CACNA1C: variants seen among roughly 807,000 people sequenced by gnomAD.
CACNA1C encodes calcium voltage-gated channel subunit alpha1 C.
Under a neutral mutation model 229.0 loss-of-function variants are expected in CACNA1C, and 30 were observed. The observed-to-expected ratio is 0.13, with a 90% CI of 0.10 to 0.18. The LOEUF is 0.18. CACNA1C is among the 10% of genes least tolerant of loss of function. The pLI, the probability that CACNA1C is intolerant of heterozygous loss-of-function variation, is 1.00. For synonymous variants in CACNA1C, 1,114 were observed against 1,132.5 expected, an observed-to-expected ratio of 0.98 and a Z score of 0.33; for missense variants, 1,658 against 2,845.0, an observed-to-expected ratio of 0.58 and a Z score of 9.49.
chr12:2,473,148 G>A (rs1175498896), intron 5 of CACNA1C, among the ~76,000 whole-genome samples: 4 of 152,180 alleles, frequency 2.6e-5, no homozygotes, highest in African/African-American at 9.7e-5. Context: ...CCCCAGCACT[G>A]ATTAACCTGT....
At chr12:2,242,394 CTG>C (rs1204911735) in intron 3 of CACNA1C, among the ~76,000 whole-genome samples, 1 of 152,170 alleles carries the variant, frequency 6.6e-6, no homozygotes, top group African/African-American at 2.4e-5. Context: ...ACCAGGGTAA[CTG>C]TGATGAACTG....
chr12:2,502,517 C>G (rs1222549898), intron 7 of CACNA1C, among the ~76,000 whole-genome samples: 3 of 152,234 alleles, frequency 2.0e-5, no homozygotes, highest in Non-Finnish European at 4.4e-5. Flanking sequence ...TTGAATTTCA[C>G]GATGGCATGG....
At chr12:2,450,415 G>A (rs938967166) in intron 4 of CACNA1C, among the ~76,000 whole-genome samples, 6 of 151,658 alleles carry the variant, frequency 4.0e-5, no homozygotes, top group Admixed American at 1.3e-4. Flanking sequence ...TTAGCCGGGC[G>A]AGGTGGCGGG....
chr12:2,628,032 T>C (rs740731), intron 29 of CACNA1C, among the ~76,000 whole-genome samples: 114,000 of 152,160 alleles, frequency 0.75, 42,835 homozygotes, highest in Admixed American at 0.81. Flanking sequence ...TGACAGCACC[T>C]CTGCCCTCCA....
intron 29 of CACNA1C, among the ~76,000 whole-genome samples, chr12:2,623,991 A>G (rs898455861): frequency 1.3e-5 from 2 of 152,196 alleles, no homozygotes; most frequent in African/African-American, 4.8e-5. Flanking sequence ...GGTCAGGGAA[A>G]TTCTGGCTCA....
intron 15 of CACNA1C, 73 bp from the exon 16 acceptor site, chr12:2,584,430 A>C: frequency 9.6e-7 from 1 of 1,036,786 alleles, no homozygotes; most frequent in Non-Finnish European, 1.5e-6. Flanking sequence ...TGCACGCCCC[A>C]CATCCCCCGT....
At position 2,469,534 on chromosome 12, in the gene CACNA1C, C is replaced by T. The variant is rs965902856; in HGVS notation, c.757+11828C>T. ...CTTCTGAAGACATGGGTGATTGGAA[C>T]AGCATGTCATCAGGTGAGTTTTCAG... On this transcript the variant is annotated intron_variant, in intron 5 of 46. Coordinates refer to ENST00000399655, the MANE Select transcript of CACNA1C (RefSeq NM_000719.7). Among the ~76,000 whole-genome samples the T allele has an allele frequency of 4.6e-5, 7 of 152,202 alleles. 1 individual carries two copies. The highest frequency in any genetic ancestry group is 1.7e-4 in the African/African-American group (7 of 41,448).
intron 9 of CACNA1C, among the ~76,000 whole-genome samples, chr12:2,536,906 T>C (rs1285674568): frequency 2.0e-5 from 3 of 152,202 alleles, no homozygotes; most frequent in East Asian, 1.9e-4. Flanking sequence ...GATGATGTCA[T>C]GATTAAGATC....
chr12:2,331,935 C>T (rs1326938602), intron 3 of CACNA1C, among the ~76,000 whole-genome samples: 1 of 152,172 alleles, frequency 6.6e-6, no homozygotes, highest in African/African-American at 2.4e-5. Flanking sequence ...AAGTGTAATG[C>T]ATGACTTAGG....
At chr12:2,564,970 A>G (rs1431959388) in intron 11 of CACNA1C, among the ~76,000 whole-genome samples, 2 of 151,190 alleles carry the variant, frequency 1.3e-5, no homozygotes, top group African/African-American at 4.9e-5. Context: ...CTCTCCAGCT[A>G]TGGTTCTTCT....
At chr12:2,103,779 T>C (rs1471390506) in intron 1 of CACNA1C, among the ~76,000 whole-genome samples, 1 of 152,254 alleles carries the variant, frequency 6.6e-6, no homozygotes, top group Admixed American at 6.5e-5. Flanking sequence ...GGATCCAGTT[T>C]CAGCTTTCCG....
At chr12:2,180,031 A>G (rs1393512857) in intron 3 of CACNA1C, among the ~76,000 whole-genome samples, 4 of 152,124 alleles carry the variant, frequency 2.6e-5, no homozygotes, top group East Asian at 1.9e-4. Context: ...AGGCCCTCCA[A>G]CTGCCTCCTG....
At chr12:2,079,127 T>A (rs1203037675) in intron 1 of CACNA1C, among the ~76,000 whole-genome samples, 5 of 84,236 alleles carry the variant, frequency 5.9e-5, no homozygotes, top group Admixed American at 3.3e-4. Flanking sequence ...CAGGGGCTGT[T>A]GTGGGGTGGG....
At chr12:2,361,928 C>G (rs117363555) in intron 3 of CACNA1C, among the ~76,000 whole-genome samples, 1 of 152,154 alleles carries the variant, frequency 6.6e-6, no homozygotes, top group East Asian at 1.9e-4. Context: ...AGTGTGACGT[C>G]GAGCTCTGCC....
chr12:2,663,484 G>A (rs531987488), intron 34 of CACNA1C, among the ~76,000 whole-genome samples: 1 of 152,266 alleles, frequency 6.6e-6, no homozygotes, highest in South Asian at 2.1e-4. Context: ...CCACCCAGAG[G>A]AAAAGAAGTC....
At chr12:2,465,869 A>G (rs1200750918) in intron 5 of CACNA1C, among the ~76,000 whole-genome samples, 1 of 152,144 alleles carries the variant, frequency 6.6e-6, no homozygotes, top group East Asian at 1.9e-4. Flanking sequence ...TCCATCCCAG[A>G]GGCCAGGTCT....
intron 1 of CACNA1C, among the ~76,000 whole-genome samples, chr12:2,107,279 G>A (rs1411447499): frequency 6.8e-6 from 1 of 146,460 alleles, no homozygotes. Flanking sequence ...ACCTCAGCTG[G>A]GCGTCCTGAA....
chr12:2,411,435 T>G (rs2098806414), intron 3 of CACNA1C, among the ~76,000 whole-genome samples: 1 of 151,916 alleles, frequency 6.6e-6, no homozygotes, highest in Non-Finnish European at 1.5e-5. Context: ...TTTCGCTGAG[T>G]GAAAACCACT....
At chr12:2,250,102 C>G (rs890044460) in intron 3 of CACNA1C, among the ~76,000 whole-genome samples, 1 of 151,922 alleles carries the variant, frequency 6.6e-6, no homozygotes, top group Non-Finnish European at 1.5e-5. Flanking sequence ...GCCACTGCAC[C>G]CGGCCTGCCT....
Sources: allele counts gnomAD v4.1 joint callset (sites outside exome capture counted in the v4.1 genomes callset), GRCh38; gene constraint gnomAD v4.1.1; transcripts MANE v1.5; gene names NCBI Gene and HGNC (gene_info 2026-07-23, HGNC 2026-07-21).